COL4A6: variants seen among roughly 807,000 people sequenced by gnomAD.
COL4A6 encodes collagen type IV alpha 6 chain, also known as collagen alpha-6(IV) chain.
A neutral mutation model predicts 126.7 loss-of-function variants in COL4A6; 59 were observed. That is an observed-to-expected ratio of 0.47 (90% CI 0.38 to 0.58). The LOEUF is 0.58. Among genes scored for constraint, COL4A6 ranks in the 20% least tolerant of loss-of-function variants. The pLI is 0.00. For synonymous variants in COL4A6, 547 were observed against 496.6 expected, an observed-to-expected ratio of 1.10 and a Z score of -1.35; for missense variants, 1,285 against 1,337.3, an observed-to-expected ratio of 0.96 and a Z score of 0.61.
At chrX:108,202,701 T>C (rs888341137) in intron 13 of COL4A6, among the ~76,000 whole-genome samples, 1 of 112,094 alleles carries the variant, frequency 8.9e-6, no homozygotes, top group South Asian at 3.8e-4. Flanking sequence ...GTTTTAACTA[T>C]AGAGCTTGAG....
chrX:108,157,450 A>C (rs1315104665), intron 44 of COL4A6, among the ~76,000 whole-genome samples, 190 bp from the exon 45 acceptor site: 1 of 111,326 alleles, frequency 9.0e-6, no homozygotes, highest in Middle Eastern at 4.6e-3. Flanking sequence ...GTCCTCCCTC[A>C]TAGCAGCTTT....
intron 3 of COL4A6, among the ~76,000 whole-genome samples, chrX:108,254,406 T>C (rs1162566461): frequency 8.9e-6 from 1 of 112,029 alleles, no homozygotes; most frequent in Non-Finnish European, 1.9e-5. Flanking sequence ...ACTTTCATTC[T>C]ACAATCTTCT....
At position 108,221,232 on chromosome X, in the gene COL4A6, G is replaced by C; in HGVS notation, c.279+8C>G. 1 of 1,211,044 alleles carries C rather than the reference G, an allele frequency of 8.3e-7. No homozygotes were observed. The highest frequency in any genetic ancestry group is 3.0e-5 in the East Asian group (1 of 33,803). ...CATCAAAGAGAAATCAAGCTTTGCT[G>C]GTCTTACCTTATCTCCTTTTGGTCC... is the stretch of plus-strand genomic sequence containing the variant. On this transcript the variant is annotated splice_region_variant and intron_variant, in intron 4 of 44. Transcript: ENST00000334504.
Position 108,172,510 on chromosome X carries a change from G to A in COL4A6, c.3161C>T (p.Ser1054Leu), listed in dbSNP as rs200080743. The part of the protein sequence containing the change: ...GESGSQGIRG[S>L]PGLPGASGLP... ...ACCAGATGCTCCTGGGAGTCCAGGC[G>A]ACCCTCTGATACCTTGTGAACCCTT... Residue 1054 changes from serine to leucine, a missense_variant, in exon 32 of 45, where the codon TCG becomes TTG. Coordinates refer to ENST00000334504, the MANE Select transcript of COL4A6 (RefSeq NM_033641.4). The A allele has an allele frequency of 7.5e-6, 9 of 1,203,072 alleles. No homozygotes were observed. Among genetic ancestry groups the A allele is most frequent in the African/African-American group, 5.3e-5 (3 of 56,222 alleles).
chrX:108,338,566 A>T (rs891859002), intron 2 of COL4A6, among the ~76,000 whole-genome samples: 3 of 112,288 alleles, frequency 2.7e-5, no homozygotes, highest in Admixed American at 9.4e-5. Context: ...GCTGGCAGAC[A>T]GTTGGCTGCT....
chrX:108,417,950 A>G (rs1395498307), intron 2 of COL4A6, among the ~76,000 whole-genome samples: 2 of 112,272 alleles, frequency 1.8e-5, no homozygotes, highest in African/African-American at 6.5e-5. Context: ...TTGCCATTTT[A>G]AAAAACAAGT....
intron 8 of COL4A6, among the ~76,000 whole-genome samples, chrX:108,207,742 G>A (rs749518380): frequency 9.0e-6 from 1 of 111,402 alleles, no homozygotes; most frequent in Non-Finnish European, 1.9e-5. Flanking sequence ...CATTGTATTA[G>A]GTATTATAAG....
intron 2 of COL4A6, among the ~76,000 whole-genome samples, chrX:108,340,909 C>A (rs780897149): frequency 9.1e-6 from 1 of 109,586 alleles, no homozygotes; most frequent in East Asian, 2.9e-4. Context: ...TTTATAAAGG[C>A]CATGAAAGGA....
intron 2 of COL4A6, among the ~76,000 whole-genome samples, chrX:108,367,575 T>C (rs984056328): frequency 3.6e-5 from 4 of 111,834 alleles, no homozygotes; most frequent in Admixed American, 2.9e-4. Flanking sequence ...AGGAAATGCA[T>C]TTTACATAGT....
intron 39 of COL4A6, 74 bp from the exon 40 acceptor site, chrX:108,164,772 G>A: frequency 5.1e-6 from 6 of 1,177,787 alleles, no homozygotes; most frequent in Middle Eastern, 2.4e-4. Flanking sequence ...AGGCAGGGGT[G>A]AGGTAGGGAA....
chrX:108,223,613 C>T (rs571160046), intron 3 of COL4A6, among the ~76,000 whole-genome samples: 6 of 111,279 alleles, frequency 5.4e-5, no homozygotes, highest in East Asian at 2.8e-4. Context: ...TGGAAAGCAC[C>T]GCAGAAAAGT....
intron 3 of COL4A6, among the ~76,000 whole-genome samples, chrX:108,248,090 G>A (rs1379469103): frequency 8.9e-6 from 1 of 111,737 alleles, no homozygotes; most frequent in Non-Finnish European, 1.9e-5. Flanking sequence ...TAGGGGTACA[G>A]ATACCCCAGG....
chrX:108,358,685 G>A (rs758204530), intron 2 of COL4A6, among the ~76,000 whole-genome samples: 3 of 112,093 alleles, frequency 2.7e-5, no homozygotes, highest in East Asian at 2.8e-4. Context: ...GTGAGCCACC[G>A]TGCCTGGCTG....
intron 2 of COL4A6, among the ~76,000 whole-genome samples, chrX:108,423,606 C>T (rs2064020968): frequency 9.0e-6 from 1 of 111,613 alleles, no homozygotes; most frequent in Admixed American, 9.5e-5. Context: ...AATAGAAGCT[C>T]TCATTATTAA....
At chrX:108,169,882 C>A in intron 36 of COL4A6, 63 bp downstream of exon 36, 1 of 1,048,374 alleles carries the variant, frequency 9.5e-7, no homozygotes, top group Non-Finnish European at 1.3e-6. Context: ...AATTCATGGC[C>A]AGCCCTTGCC....
chrX:108,279,903 C>T (rs980955056), intron 3 of COL4A6, among the ~76,000 whole-genome samples: 3 of 111,158 alleles, frequency 2.7e-5, no homozygotes, highest in Non-Finnish European at 5.7e-5. Flanking sequence ...TCTGGGTACA[C>T]AACGAAATGA....
At chrX:108,357,874 C>T (rs1037932782) in intron 2 of COL4A6, among the ~76,000 whole-genome samples, 8 of 111,272 alleles carry the variant, frequency 7.2e-5, no homozygotes, top group Non-Finnish European at 1.5e-4. Flanking sequence ...ACTGGGAACC[C>T]AGATAGGAAG....
In COL4A6 at chrX:108,180,929, G is replaced by GGACC; in HGVS notation, c.1987_1990dup (p.Pro664ArgfsTer15). The GGACC allele has an allele frequency of 8.3e-7, 1 of 1,211,127 alleles. No homozygotes were observed. The highest frequency in any genetic ancestry group is 1.7e-5 in the African/African-American group (1 of 57,817). On this transcript the variant is annotated frameshift_variant, in exon 24 of 45. Coordinates refer to ENST00000334504, the MANE Select transcript of COL4A6 (RefSeq NM_033641.4). LOFTEE classifies it high-confidence loss of function. Reference sequence around the variant, plus strand: ...TCCGGGAGTGCCTGGAAATCCTGATGGACCGTATGACCCAGGAATAATACA... The same window carrying GGACC: ...TCCGGGAGTGCCTGGAAATCCTGATGGACCGACCGTATGACCCAGGAATAATACA...
At chrX:108,404,360 G>T (rs1011849358) in intron 2 of COL4A6, among the ~76,000 whole-genome samples, 1 of 111,807 alleles carries the variant, frequency 8.9e-6, no homozygotes, top group African/African-American at 3.2e-5. Context: ...TTCTAAACAT[G>T]ATATAAATCT....
Sources: gnomAD v4.1 joint callset for allele counts (sites outside exome capture counted in the v4.1 genomes callset) on GRCh38, gnomAD v4.1.1 for gene constraint, MANE v1.5 for transcripts, NCBI Gene and HGNC (gene_info 2026-07-23, HGNC 2026-07-21) for gene names.